PAK1: variants seen among roughly 807,000 people sequenced by gnomAD.
PAK1 encodes the protein p21 (RAC1) activated kinase 1.
A neutral mutation model predicts 67.4 loss-of-function variants in PAK1; 29 were observed. That is an observed-to-expected ratio of 0.43 (90% CI 0.32 to 0.59). The LOEUF is 0.59. Among genes scored for constraint, PAK1 ranks in the 20% least tolerant of loss-of-function variants. PAK1 has a pLI of 0.07. For synonymous variants in PAK1, 223 were observed against 237.4 expected (o/e 0.94, Z 0.56); for missense variants, 337 against 670.7 (o/e 0.50, Z 5.50).
At chr11:77,326,050 C>T (rs1439107832) in intron 14 of PAK1, among the ~76,000 whole-genome samples, 3 of 152,082 alleles carry the variant, frequency 2.0e-5, no homozygotes, top group Non-Finnish European at 2.9e-5. Flanking sequence ...CTTCATAATA[C>T]GAAAGCAAAT....
chr11:77,452,914 A>C (rs1260303646), intron 1 of PAK1, among the ~76,000 whole-genome samples: 1 of 152,216 alleles, frequency 6.6e-6, no homozygotes, highest in Non-Finnish European at 1.5e-5. Context: ...CCTCACAGCA[A>C]ATCAGGCTTA....
intron 1 of PAK1, among the ~76,000 whole-genome samples, chr11:77,461,182 T>C (rs1463710722): frequency 1.3e-5 from 2 of 152,332 alleles, no homozygotes; most frequent in African/African-American, 4.8e-5. Context: ...AGGAGAAAGC[T>C]ATATGCAGTG....
the PAK1 span, among the ~76,000 whole-genome samples, chr11:77,490,556 C>T: frequency 2.0e-4 from 30 of 148,340 alleles, no homozygotes; most frequent in African/African-American, 6.5e-4. Flanking sequence ...AGGTGAGGGG[C>T]GTCTCTGCCC....
intron 1 of PAK1, among the ~76,000 whole-genome samples, chr11:77,436,584 C>G (rs1243963361): frequency 6.6e-6 from 1 of 152,196 alleles, no homozygotes; most frequent in Non-Finnish European, 1.5e-5. Flanking sequence ...GTGAACAAAA[C>G]AGAGTCCTAC....
At chr11:77,500,444 G>A in the PAK1 span, among the ~76,000 whole-genome samples, 6 of 152,026 alleles carry the variant, frequency 3.9e-5, no homozygotes, top group Non-Finnish European at 8.8e-5. Context: ...CCCAGCCTGG[G>A]CAACAGAGTG....
the PAK1 span, among the ~76,000 whole-genome samples, chr11:77,526,978 T>C: frequency 6.6e-6 from 1 of 151,830 alleles, no homozygotes; most frequent in South Asian, 2.1e-4. Flanking sequence ...AGAGTGAGAC[T>C]GGGGAGTGTG....
intron 5 of PAK1, among the ~76,000 whole-genome samples, chr11:77,367,992 A>G (rs1406817296): frequency 6.6e-6 from 1 of 152,190 alleles, no homozygotes; most frequent in East Asian, 1.9e-4. Context: ...CAAACAAACA[A>G]ACAAAAAGGT....
chr11:77,378,521 T>G (rs745670119), intron 4 of PAK1, among the ~76,000 whole-genome samples: 1 of 152,236 alleles, frequency 6.6e-6, no homozygotes, highest in Non-Finnish European at 1.5e-5. Context: ...CAATGATAGC[T>G]ACATTTCTAT....
chr11:77,366,322 A>G (rs1217516267), intron 5 of PAK1, among the ~76,000 whole-genome samples: 5 of 152,242 alleles, frequency 3.3e-5, no homozygotes, highest in Non-Finnish European at 4.4e-5. Flanking sequence ...GACTCTAAAA[A>G]AATACTTTTT....
intron 1 of PAK1, among the ~76,000 whole-genome samples, chr11:77,450,900 G>C (rs1956823474): frequency 6.6e-6 from 1 of 152,090 alleles, no homozygotes; most frequent in Non-Finnish European, 1.5e-5. Flanking sequence ...GCCCTTCTCT[G>C]GGCAGAAGAG....
the PAK1 span, among the ~76,000 whole-genome samples, chr11:77,484,671 A>C: frequency 6.6e-6 from 1 of 152,160 alleles, no homozygotes; most frequent in African/African-American, 2.4e-5. Context: ...TGCCTCAGTG[A>C]CCAGTCACTA....
At chr11:77,402,606 A>T (rs957950377) in intron 1 of PAK1, among the ~76,000 whole-genome samples, 3 of 152,128 alleles carry the variant, frequency 2.0e-5, no homozygotes, top group Non-Finnish European at 4.4e-5. Flanking sequence ...GGCCCTTACA[A>T]TCGGAGAGCT....
chr11:77,517,922 A>T, the PAK1 span, among the ~76,000 whole-genome samples: 1 of 152,146 alleles, frequency 6.6e-6, no homozygotes, highest in Non-Finnish European at 1.5e-5. Flanking sequence ...ATCTGAGAGG[A>T]GGCAGAGTTC....
chr11:77,340,510 G>T (rs1450817075), intron 11 of PAK1, 136 bp downstream of exon 11: 3 of 680,132 alleles, frequency 4.4e-6, no homozygotes, highest in Non-Finnish European at 8.1e-6. Flanking sequence ...GTACAATACA[G>T]GAATGATAGC....
At chr11:77,389,117 C>T (rs966518939) in intron 2 of PAK1, among the ~76,000 whole-genome samples, 4 of 152,148 alleles carry the variant, frequency 2.6e-5, no homozygotes, top group Non-Finnish European at 4.4e-5. Context: ...CCAAGGCAAC[C>T]GCTAATCTAC....
At chr11:77,414,674 G>T (rs192195213) in intron 1 of PAK1, among the ~76,000 whole-genome samples, 1 of 152,304 alleles carries the variant, frequency 6.6e-6, no homozygotes, top group Non-Finnish European at 1.5e-5. Flanking sequence ...AATTGTGCTA[G>T]AACTGGACAT....
At chr11:77,478,463 G>T (rs1478389715), upstream of PAK1, among the ~76,000 whole-genome samples, 1 of 152,082 alleles carries the variant, frequency 6.6e-6, no homozygotes, top group African/African-American at 2.4e-5. Flanking sequence ...TCTTTTCAAT[G>T]AAGAATAGTA....
At chr11:77,459,094 A>G (rs1419451251) in intron 1 of PAK1, among the ~76,000 whole-genome samples, 4 of 152,210 alleles carry the variant, frequency 2.6e-5, no homozygotes, top group African/African-American at 9.6e-5. Flanking sequence ...ATGGAATGAA[A>G]CTGAAACTGT....
the PAK1 span, among the ~76,000 whole-genome samples, chr11:77,510,703 C>T: frequency 1.3e-4 from 20 of 152,248 alleles, no homozygotes; most frequent in African/African-American, 4.3e-4. Context: ...TGATATTATT[C>T]GTAATGTTCT....
Sources: gnomAD v4.1 joint callset for allele counts (sites outside exome capture counted in the v4.1 genomes callset) on GRCh38, gnomAD v4.1.1 for gene constraint, MANE v1.5 for transcripts, NCBI Gene and HGNC (gene_info 2026-07-23, HGNC 2026-07-21) for gene names.